Variants in HECW1 observed in about 807,000 individuals in gnomAD.
HECW1 encodes the protein E3 ubiquitin-protein ligase HECW1.
HECW1 carries 61 observed loss-of-function variants against 182.3 expected under a neutral mutation model. The ratio of observed to expected loss-of-function variants is 0.33; its 90% CI spans 0.27 to 0.41. The LOEUF (loss-of-function observed/expected upper bound fraction) is 0.41, where lower values mean the gene tolerates loss of function less well. Ranked by LOEUF, HECW1 falls within the 10% of genes least tolerant of loss-of-function variation. HECW1 has a pLI of 1.00. For missense variants in HECW1, 1,739 were observed against 2,108.9 expected, an observed-to-expected ratio of 0.82 and a Z score of 3.44; for synonymous variants, 859 against 832.6, an observed-to-expected ratio of 1.03 and a Z score of -0.55.
At chr7:43,255,546 A>G (rs1800469769) in intron 3 of HECW1, among the ~76,000 whole-genome samples, 1 of 151,808 alleles carries the variant, frequency 6.6e-6, no homozygotes, top group Admixed American at 6.6e-5. Flanking sequence ...GCAGTGAGCC[A>G]AGATCGCACC....
intron 22 of HECW1, among the ~76,000 whole-genome samples, chr7:43,507,743 AATATCCT>A (rs2079646975): frequency 1.3e-5 from 2 of 152,236 alleles, no homozygotes; most frequent in African/African-American, 4.8e-5. Flanking sequence ...AATCTTAAGC[AATATCCT>A]ATGAGTTGAT....
intron 2 of HECW1, among the ~76,000 whole-genome samples, chr7:43,121,141 G>T (rs1785568189): frequency 6.6e-6 from 1 of 152,108 alleles, no homozygotes; most frequent in South Asian, 2.1e-4. Context: ...CTCCTGGCTG[G>T]TGTTCTCTAA....
At chr7:43,115,891 C>T (rs1785005139) in intron 2 of HECW1, among the ~76,000 whole-genome samples, 1 of 152,206 alleles carries the variant, frequency 6.6e-6, no homozygotes, top group South Asian at 2.1e-4. Flanking sequence ...AAATGTGCCA[C>T]AGTCTCCTTA....
intron 3 of HECW1, among the ~76,000 whole-genome samples, chr7:43,311,228 G>T (rs1808463898): frequency 6.6e-6 from 1 of 152,174 alleles, no homozygotes; most frequent in Non-Finnish European, 1.5e-5. Flanking sequence ...CAGCCCGAAG[G>T]CATTCTGTAG....
intron 6 of HECW1, among the ~76,000 whole-genome samples, chr7:43,388,446 A>C (rs574598497): frequency 5.3e-5 from 8 of 152,282 alleles, no homozygotes; most frequent in Admixed American, 1.3e-4. Context: ...TCATATTGCC[A>C]AGCTAGAAAA....
intron 2 of HECW1, among the ~76,000 whole-genome samples, chr7:43,141,485 T>C (rs1788146731): frequency 6.6e-6 from 1 of 152,248 alleles, no homozygotes; most frequent in South Asian, 2.1e-4. Context: ...TTTAACATAT[T>C]TTTGTTTGAG....
At chr7:43,254,062 G>A (rs1800311618) in intron 3 of HECW1, among the ~76,000 whole-genome samples, 1 of 152,170 alleles carries the variant, frequency 6.6e-6, no homozygotes, top group Non-Finnish European at 1.5e-5. Context: ...AGTCTGTGCT[G>A]ACTGCTAGTC....
At position 43,137,675 on chromosome 7, in the gene HECW1, G is replaced by A. The variant is rs549500144; in HGVS notation, c.-32+23284G>A. Among the ~76,000 whole-genome samples the A allele has an allele frequency of 5.8e-4, 88 of 151,856 alleles. 1 individual carries two copies. The highest frequency in any genetic ancestry group is 2.1e-3 in the African/African-American group (85 of 41,396). On this transcript the variant is annotated intron_variant, in intron 2 of 29. Coordinates refer to ENST00000395891, the MANE Select transcript of HECW1 (RefSeq NM_015052.5). ...GGTGATCCTCCCACCTCAGCCTCCC[G>A]AGTAGCTAGAACTACAGGCATGTGC...
intron 2 of HECW1, among the ~76,000 whole-genome samples, chr7:43,202,538 A>G (rs190457907): frequency 2.3e-3 from 347 of 151,350 alleles, no homozygotes; most frequent in African/African-American, 8.0e-3. Context: ...CAGTGGTGCA[A>G]TCTCGGCTCA....
At chr7:43,540,546 G>A (rs13225042) in intron 24 of HECW1, among the ~76,000 whole-genome samples, 23,740 of 152,204 alleles carry the variant, frequency 0.16, 2,176 homozygotes, top group East Asian at 0.34. Context: ...GAGGTGGCCA[G>A]ATCTGTATGG....
chr7:43,508,021 C>A lies in HECW1; in HGVS notation c.3756C>A (p.Leu1252=). Residue 1252 remains leucine, a synonymous_variant, in exon 23 of 30, where the codon CTC becomes CTA. Coordinates refer to ENST00000395891, the MANE Select transcript of HECW1 (RefSeq NM_015052.5). The stretch of plus-strand genomic sequence containing the variant: ...CACCACCCCTTCTCCTTCTCAGGCT[C>A]ATTATTCGCCGGGATCATTTGTTGG... ...GFGQGPGKIK[L]IIRRDHLLEG... The A allele has an allele frequency of 6.2e-7, 1 of 1,612,290 alleles. No homozygotes were observed. The highest frequency in any genetic ancestry group is 1.1e-5 in the South Asian group (1 of 91,036).
chr7:43,142,411 C>T (rs1788250564), intron 2 of HECW1, among the ~76,000 whole-genome samples: 1 of 152,186 alleles, frequency 6.6e-6, no homozygotes, highest in African/African-American at 2.4e-5. Flanking sequence ...CAGAATCTAG[C>T]ATGCTGAAGG....
intron 3 of HECW1, among the ~76,000 whole-genome samples, chr7:43,266,469 G>C (rs771351107): frequency 1.3e-5 from 2 of 152,040 alleles, no homozygotes; most frequent in Non-Finnish European, 2.9e-5. Flanking sequence ...TGAGTAGCTG[G>C]GCTTACAGGC....
chr7:43,326,404 G>A (rs1035586899), intron 5 of HECW1, among the ~76,000 whole-genome samples: 1 of 152,222 alleles, frequency 6.6e-6, no homozygotes, highest in Non-Finnish European at 1.5e-5. Flanking sequence ...TGGCCACGGT[G>A]ACTTGGGGCT....
At chr7:43,258,374 TAAAAA>T (rs755788012) in intron 3 of HECW1, among the ~76,000 whole-genome samples, 2 of 146,160 alleles carry the variant, frequency 1.4e-5, no homozygotes, top group African/African-American at 5.1e-5. Flanking sequence ...AATAAAAAAA[TAAAAA>T]AAAAGAATTA....
Position 43,445,486 on chromosome 7 carries a change from G to C in HECW1, c.2314G>C (p.Glu772Gln). The change falls in exon 11 of 30, where the codon GAG becomes CAG. Residue 772 changes from glutamate (E) to glutamine (Q), a missense_variant. Transcript: ENST00000395891. Reference protein sequence around the residue: ...STNGAGPWQDELAAPSGHVER... With the variant: ...STNGAGPWQDQLAAPSGHVER... ...GAACGGCGCTGGGCCGTGGCAAGACGAGCTGGCCGCCCCTAGCGGGCACGT... is the reference window on the plus strand; with the variant it reads ...GAACGGCGCTGGGCCGTGGCAAGACCAGCTGGCCGCCCCTAGCGGGCACGT... 1 of 1,612,210 alleles carries C rather than the reference G, an allele frequency of 6.2e-7. No individual in the cohort carries two copies. Among genetic ancestry groups the C allele is most frequent in the Non-Finnish European group, 8.5e-7 (1 of 1,179,302 alleles).
In HECW1 at chr7:43,116,200, A is replaced by C. The variant is rs540139193; in HGVS notation, c.-32+1809A>C. 1.2e-3 allele frequency among the ~76,000 whole-genome samples: 179 copies of C among 152,266 alleles called. 1 individual carries two copies. The highest frequency in any genetic ancestry group is 4.2e-3 in the African/African-American group (176 of 41,546). On this transcript the variant is annotated intron_variant, in intron 2 of 29. Transcript: ENST00000395891. ...TAAACAAAAAAACACGTAGAGAATG[A>C]GTTCAAATGCTGTAGGTTTTGGTTA... is the stretch of plus-strand genomic sequence containing the variant.
intron 3 of HECW1, among the ~76,000 whole-genome samples, chr7:43,268,384 C>T (rs187977325): frequency 2.0e-4 from 30 of 152,392 alleles, no homozygotes; most frequent in Non-Finnish European, 3.7e-4. Context: ...TGCAGCCTAG[C>T]AGCCTTATTC....
intron 3 of HECW1, among the ~76,000 whole-genome samples, chr7:43,290,470 G>A (rs546561231): frequency 6.6e-6 from 1 of 152,138 alleles, no homozygotes; most frequent in Non-Finnish European, 1.5e-5. Context: ...TAAAATAGAG[G>A]TCTTGTGATT....
Sources: gnomAD v4.1 joint callset for allele counts (sites outside exome capture counted in the v4.1 genomes callset) on GRCh38, gnomAD v4.1.1 for gene constraint, MANE v1.5 for transcripts, NCBI Gene and HGNC (gene_info 2026-07-23, HGNC 2026-07-21) for gene names.